Variants in RSAD2 observed in about 807,000 individuals in gnomAD.
RSAD2 encodes the protein S-adenosylmethionine-dependent nucleotide dehydratase RSAD2.
In RSAD2, 38 loss-of-function variants were observed where a neutral mutation model predicts 37.7. The observed-to-expected ratio is 1.01, with a 90% CI of 0.78 to 1.32. The LOEUF is 1.32. RSAD2 is among the 40% of genes most tolerant of loss of function. The pLI is 0.00. For missense variants in RSAD2, 428 were observed against 437.5 expected, an observed-to-expected ratio of 0.98 and a Z score of 0.19; for synonymous variants, 163 against 157.4, an observed-to-expected ratio of 1.04 and a Z score of -0.27.
At chr2:6,888,181 A>G (rs1330055669) in intron 3 of RSAD2, among the ~76,000 whole-genome samples, 2 of 152,200 alleles carry the variant, frequency 1.3e-5, no homozygotes, top group Non-Finnish European at 2.9e-5. Flanking sequence ...ATCCCATGTC[A>G]GCATTCCAAA....
At chr2:6,882,578 C>T (rs928902295) in intron 1 of RSAD2, among the ~76,000 whole-genome samples, 1 of 152,036 alleles carries the variant, frequency 6.6e-6, no homozygotes, top group Non-Finnish European at 1.5e-5. Context: ...AAAATTGAGA[C>T]AAGGGGTGAA....
intron 1 of RSAD2, among the ~76,000 whole-genome samples, chr2:6,870,448 G>C (rs1457030410): frequency 2.0e-5 from 3 of 152,172 alleles, no homozygotes; most frequent in Non-Finnish European, 4.4e-5. Flanking sequence ...CATGAGGTGG[G>C]GGTAATGAGG....
chr2:6,869,836 A>T (rs1488514190), intron 1 of RSAD2, among the ~76,000 whole-genome samples: 1 of 152,222 alleles, frequency 6.6e-6, no homozygotes, highest in Non-Finnish European at 1.5e-5. Flanking sequence ...ACTAGGTCTG[A>T]ATTTAAAATA....
chr2:6,882,854 A>C (rs1663441859), intron 1 of RSAD2, among the ~76,000 whole-genome samples: 1 of 152,260 alleles, frequency 6.6e-6, no homozygotes, highest in Non-Finnish European at 1.5e-5. Context: ...ATACCTGGAC[A>C]AACAATTGAT....
chr2:6,875,738 C>G (rs1340544116), upstream of RSAD2, among the ~76,000 whole-genome samples: 3 of 152,206 alleles, frequency 2.0e-5, no homozygotes, highest in African/African-American at 7.2e-5. Context: ...TTATCCCCAA[C>G]ACTACCTGCC....
upstream of RSAD2, chr2:6,876,932 A>G (rs1320516982): frequency 6.6e-6 from 1 of 152,222 alleles, no homozygotes; most frequent in East Asian, 1.9e-4. Flanking sequence ...AAGTTCAGCT[A>G]CTAGGACTCT....
chr2:6,866,263 C>G (rs931307227), intron 1 of RSAD2: 1 of 224,398 alleles, frequency 4.5e-6, no homozygotes, highest in Non-Finnish European at 7.7e-6. Flanking sequence ...GCTCCCTCCC[C>G]GACCTCAACT....
intron 3 of RSAD2, 65 bp downstream of exon 3, chr2:6,887,229 A>C: frequency 3.2e-6 from 4 of 1,235,928 alleles, no homozygotes; most frequent in Non-Finnish European, 2.3e-6. Context: ...ACTTTTTTCA[A>C]TGAAACTGAA....
intron 1 of RSAD2, among the ~76,000 whole-genome samples, chr2:6,869,072 G>A (rs1182185160): frequency 6.6e-6 from 1 of 152,162 alleles, no homozygotes; most frequent in East Asian, 1.9e-4. Context: ...TTCATATAAT[G>A]GCAGACCCTG....
chr2:6,870,472 C>G (rs1401349934), intron 1 of RSAD2, among the ~76,000 whole-genome samples: 2 of 152,196 alleles, frequency 1.3e-5, no homozygotes, highest in Non-Finnish European at 2.9e-5. Flanking sequence ...GAGAGGTCCT[C>G]TGGTAAGTCT....
chr2:6,890,362 A>T (rs1358185844), intron 4 of RSAD2, 37 bp downstream of exon 4: 2 of 1,605,170 alleles, frequency 1.2e-6, no homozygotes, highest in African/African-American at 2.7e-5. Context: ...TTGTCATCAT[A>T]CATTCAGATT....
In RSAD2 at chr2:6,897,788, G is replaced by A. The variant is rs537694981; in HGVS notation, c.*1846G>A. The A allele has an allele frequency of 1.6e-3, 242 of 152,316 alleles. 2 individuals carry two copies. Among genetic ancestry groups the A allele is most frequent in the African/African-American group, 5.7e-3 (235 of 41,548 alleles). 9.4% of individuals were successfully genotyped at this position (152,316 alleles called of 1,614,324 possible). A position where few individuals can be genotyped will look rare whatever the true frequency, so the allele number is the denominator to read the frequency against. ...ACAATGTGGGTGGATCACGAGGTCA[G>A]GAGTTCGAGAACAGCCTGGCCAACA... On this transcript the variant is annotated 3_prime_UTR_variant, in exon 6 of 6. Transcript: ENST00000382040.
At chr2:6,873,662 G>A (rs576370602), upstream of RSAD2, among the ~76,000 whole-genome samples, 6 of 152,218 alleles carry the variant, frequency 3.9e-5, no homozygotes, top group African/African-American at 1.2e-4. Flanking sequence ...TTATCACTTT[G>A]CTTATTTAGG....
In RSAD2 at chr2:6,895,766, T is replaced by C. The variant is rs1663761098; in HGVS notation, c.922-12T>C. On this transcript the variant is annotated splice_polypyrimidine_tract_variant and intron_variant, in intron 5 of 5. Coordinates refer to ENST00000382040, the MANE Select transcript of RSAD2 (RefSeq NM_080657.5). ...CATGGAAATATACCAGTTTCTGTTA[T>C]GAATTTTCTAGATGCGCTTTCTGAA... 1.9e-6 allele frequency: 3 copies of C among 1,609,052 alleles called. No homozygotes were observed. The African/African-American group carries it at 4.0e-5, about 22-fold the overall frequency.
At position 6,883,385 on chromosome 2, in the gene RSAD2, A is replaced by T; in HGVS notation, c.361A>T (p.Asn121Tyr). 6.2e-7 allele frequency: 1 copy of T among 1,614,236 alleles called. No individual in the cohort carries two copies. Among genetic ancestry groups the T allele is most frequent in the Non-Finnish European group, 8.5e-7 (1 of 1,180,042 alleles). Reference protein sequence around the residue: ...LLKEAGMEKINFSGGEPFLQD... With the variant: ...LLKEAGMEKIYFSGGEPFLQD... ...ACCTTGCACAGGTATGGAGAAGATC[A>T]ACTTTTCAGGTGGAGAGCCATTTCT... Residue 121 changes from asparagine to tyrosine, a missense_variant, in exon 2 of 6, where the codon AAC becomes TAC. Physicochemically the swap from Asn to Tyr is moderately radical, Grantham distance 143. Coordinates refer to ENST00000382040, the MANE Select transcript of RSAD2 (RefSeq NM_080657.5).
At chr2:6,892,857 A>G (rs1315854805) in intron 4 of RSAD2, among the ~76,000 whole-genome samples, 1 of 152,252 alleles carries the variant, frequency 6.6e-6, no homozygotes, top group African/African-American at 2.4e-5. Flanking sequence ...GTTGTAGTAC[A>G]GGATGCAAGT....
chr2:6,866,237 G>A (rs1182349460), intron 1 of RSAD2, among the ~76,000 whole-genome samples: 1 of 152,202 alleles, frequency 6.6e-6, no homozygotes, highest in Non-Finnish European at 1.5e-5. Context: ...GACTGACCAG[G>A]CCCTGCAGAC....
At position 6,895,805 on chromosome 2, in the gene RSAD2, CGGAAGGACCCTTCCAAGTCCATCCT is replaced by C; in HGVS notation, c.953_977del (p.Lys318MetfsTer4). 2 of 1,613,886 alleles carry C rather than the reference CGGAAGGACCCTTCCAAGTCCATCCT, an allele frequency of 1.2e-6. No individual in the cohort carries two copies. Among genetic ancestry groups the C allele is most frequent in the Admixed American group, 1.7e-5 (1 of 60,008 alleles). ...GCGCTTTCTGAACTGTAGAAAGGGA[CGGAAGGACCCTTCCAAGTCCATCCT>C]GGATGTTGGTGTAGAAGAAGCTATA... On this transcript the variant is annotated frameshift_variant, in exon 6 of 6. Coordinates refer to ENST00000382040, the MANE Select transcript of RSAD2 (RefSeq NM_080657.5). LOFTEE classifies it high-confidence loss of function.
chr2:6,893,598 A>G (rs1367583588), intron 4 of RSAD2, 73 bp from the exon 5 acceptor site: 2 of 1,178,748 alleles, frequency 1.7e-6, no homozygotes, highest in African/African-American at 1.5e-5. Flanking sequence ...TGCAAACACT[A>G]CAGGTGGACA....
Sources: allele counts gnomAD v4.1 joint callset (sites outside exome capture counted in the v4.1 genomes callset), GRCh38; gene constraint gnomAD v4.1.1; transcripts MANE v1.5; gene names NCBI Gene and HGNC (gene_info 2026-07-23, HGNC 2026-07-21).